Variants in SVOPL observed in about 807,000 individuals in gnomAD.
The protein encoded by SVOPL is SVOP like.
In SVOPL, 60 loss-of-function variants were observed where a neutral mutation model predicts 61.0. That is an observed-to-expected ratio of 0.98 (90% confidence interval 0.80 to 1.22). The LOEUF (loss-of-function observed/expected upper bound fraction) is 1.22. Among genes scored for constraint, SVOPL ranks in the 50% most tolerant of loss-of-function variants. The pLI, the probability that SVOPL is intolerant of heterozygous loss-of-function variation, is 0.00. For synonymous variants in SVOPL, 279 were observed against 250.0 expected, an observed-to-expected ratio of 1.12 and a Z score of -1.09; for missense variants, 662 against 643.9, an observed-to-expected ratio of 1.03 and a Z score of -0.30.
intron 9 of SVOPL, among the ~76,000 whole-genome samples, chr7:138,632,884 C>T (rs1184303168): frequency 2.0e-5 from 3 of 152,124 alleles, no homozygotes; most frequent in African/African-American, 4.8e-5. Flanking sequence ...TACAGCTATC[C>T]GTGGTTTTGA....
chr7:138,632,848 G>A (rs1418012837), intron 9 of SVOPL, among the ~76,000 whole-genome samples: 1 of 152,110 alleles, frequency 6.6e-6, no homozygotes, highest in Non-Finnish European at 1.5e-5. Flanking sequence ...TGCCAAAAAC[G>A]GTTGTACTCA....
intron 5 of SVOPL, chr7:138,660,676 A>G (rs1801962811): frequency 1.0e-6 from 1 of 985,444 alleles, no homozygotes; most frequent in Non-Finnish European, 1.2e-6. Context: ...CCTCTCTGAT[A>G]TCTTTAGCAA....
chr7:138,599,165 A>C (rs1185414316), intron 14 of SVOPL, among the ~76,000 whole-genome samples: 1 of 122,230 alleles, frequency 8.2e-6, no homozygotes, highest in Non-Finnish European at 1.7e-5. Context: ...AAACCAAAAA[A>C]AAAAGAAATA....
intron 14 of SVOPL, 87 bp downstream of exon 14, chr7:138,620,959 C>G: frequency 8.2e-7 from 1 of 1,217,714 alleles, no homozygotes; most frequent in Non-Finnish European, 1.2e-6. Flanking sequence ...CAGAAATCCT[C>G]CGTTCTGCCT....
At chr7:138,693,529 AAAAGAAAGAAAGAAAGAAAGAAAG>A (rs745407235) in intron 1 of SVOPL, among the ~76,000 whole-genome samples, 1,813 of 117,128 alleles carry the variant, frequency 0.015, 45 homozygotes, top group African/African-American at 0.054. Flanking sequence ...AAAAGAAAGA[AAAAGAAAGAAAGAAAGAAAGAAAG>A]AAAGAAAGAA....
rs201350385 is a variant in SVOPL at position 138,689,969 on chromosome 7, A to T, written c.-34-10890T>A. ...TTGGACACAGAGACAGCACACAGGG[A>T]GAATGGCCTGGCAACACGAAGGCAG... On this transcript the variant is annotated intron_variant, in intron 1 of 15. Transcript: ENST00000674285. Among the ~76,000 whole-genome samples, 4 of 152,120 alleles carry T rather than the reference A, an allele frequency of 2.6e-5. No individual in the cohort carries two copies. In the East Asian group the frequency reaches 7.7e-4, roughly 29 times the overall value.
chr7:138,659,706 C>G (rs1801915906), intron 6 of SVOPL, among the ~76,000 whole-genome samples, 158 bp downstream of exon 6: 1 of 152,050 alleles, frequency 6.6e-6, no homozygotes, highest in South Asian at 2.1e-4. Flanking sequence ...ACAGCCACAT[C>G]CTTAACTTTG....
At chr7:138,620,590 T>G (rs1050186145) in intron 14 of SVOPL, among the ~76,000 whole-genome samples, 3 of 152,072 alleles carry the variant, frequency 2.0e-5, no homozygotes, top group African/African-American at 7.2e-5. Context: ...TCACCCTGGA[T>G]TTTATCCCAG....
intron 5 of SVOPL, chr7:138,660,658 C>T (rs1322133308): frequency 6.1e-6 from 6 of 985,344 alleles, no homozygotes; most frequent in Admixed American, 6.1e-5. Context: ...GTACATAAGT[C>T]GTTATGCCCT....
chr7:138,663,283 G>T, intron 4 of SVOPL, 138 bp from the exon 5 acceptor site: 1 of 1,488,066 alleles, frequency 6.7e-7, no homozygotes, highest in Non-Finnish European at 9.0e-7. Flanking sequence ...TTTCACGTTG[G>T]TCTTGCTTGC....
At chr7:138,605,282 ACT>A (rs1798702646) in intron 14 of SVOPL, among the ~76,000 whole-genome samples, 1 of 151,912 alleles carries the variant, frequency 6.6e-6, no homozygotes, top group South Asian at 2.1e-4. Flanking sequence ...AAGTGCCAGG[ACT>A]CCCTCTTTCA....
At chr7:138,604,197 G>C (rs985380175) in intron 14 of SVOPL, among the ~76,000 whole-genome samples, 4 of 151,900 alleles carry the variant, frequency 2.6e-5, no homozygotes, top group Admixed American at 6.6e-5. Flanking sequence ...CTCCCAGGAT[G>C]AAGCAATCCT....
chr7:138,688,841 C>T, intron 1 of SVOPL: 4 of 363,980 alleles, frequency 1.1e-5, no homozygotes, highest in Admixed American at 7.5e-5. Context: ...GTGTGCCCAT[C>T]AAAATTTATA....
chr7:138,605,390 A>G (rs1205131608), intron 14 of SVOPL, among the ~76,000 whole-genome samples: 1 of 151,942 alleles, frequency 6.6e-6, no homozygotes. Flanking sequence ...GGCCGGGTGC[A>G]GTGGCTCACG....
At chr7:138,597,173 G>C (rs1798314854) in intron 14 of SVOPL, 1 of 1,288,264 alleles carries the variant, frequency 7.8e-7, no homozygotes, top group Non-Finnish European at 1.0e-6. Context: ...GTTTCTCTTG[G>C]TCTGTGTTCT....
chr7:138,656,870 CCGTTT>C (rs1406401829), intron 6 of SVOPL, among the ~76,000 whole-genome samples: 3 of 151,998 alleles, frequency 2.0e-5, no homozygotes, highest in Non-Finnish European at 4.4e-5. Context: ...TGGAAAAACC[CCGTTT>C]CTACTAAAAA....
intron 14 of SVOPL, among the ~76,000 whole-genome samples, chr7:138,611,837 G>C (rs1337391880): frequency 1.5e-4 from 10 of 65,758 alleles, no homozygotes; most frequent in Admixed American, 2.4e-4. Context: ...GCCTGCCTTG[G>C]CCTCCCAAAG....
At chr7:138,695,394 C>T (rs904019603) in intron 1 of SVOPL, among the ~76,000 whole-genome samples, 1 of 152,132 alleles carries the variant, frequency 6.6e-6, no homozygotes, top group Non-Finnish European at 1.5e-5. Flanking sequence ...CACCTGTAGT[C>T]CTCGCTACCT....
chr7:138,602,534 T>G (rs1362449499), intron 14 of SVOPL, among the ~76,000 whole-genome samples: 4 of 151,760 alleles, frequency 2.6e-5, no homozygotes, highest in African/African-American at 9.7e-5. Context: ...CAGATGTAGC[T>G]ATATGCTGTA....
Sources: gnomAD v4.1 joint callset for allele counts (sites outside exome capture counted in the v4.1 genomes callset) on GRCh38, gnomAD v4.1.1 for gene constraint, MANE v1.5 for transcripts, NCBI Gene and HGNC (gene_info 2026-07-23, HGNC 2026-07-21) for gene names.